Variants in GOLGA4 observed in about 807,000 individuals in gnomAD.
GOLGA4 encodes golgin subfamily A member 4.
GOLGA4 carries 169 observed loss-of-function variants against 265.9 expected under a neutral mutation model. The observed-to-expected ratio is 0.64, with a 90% CI of 0.56 to 0.72. The LOEUF (loss-of-function observed/expected upper bound fraction) is 0.72. GOLGA4 is among the 30% of genes least tolerant of loss of function. GOLGA4 has a pLI of 0.00. For synonymous variants in GOLGA4, 923 were observed against 855.8 expected (o/e 1.08, Z -1.37); for missense variants, 2,482 against 2,483.4 (o/e 1.00, Z 0.01).
chr3:37,362,398 G>T (rs1214726646), intron 23 of GOLGA4, among the ~76,000 whole-genome samples: 1 of 150,632 alleles, frequency 6.6e-6, no homozygotes, highest in Non-Finnish European at 1.5e-5. Context: ...CACTACGCCC[G>T]GCTAATTTTT....
intron 3 of GOLGA4, among the ~76,000 whole-genome samples, chr3:37,285,704 C>CA (rs1175126820): frequency 2.6e-5 from 4 of 152,252 alleles, no homozygotes; most frequent in Admixed American, 6.5e-5. Context: ...TAGTCTGTAA[C>CA]TATAGTTTGA....
chr3:37,324,677 T>C lies in GOLGA4; in HGVS notation c.2791T>C (p.Leu931=), dbSNP rs776790200. 1 of 1,612,396 alleles carries C rather than the reference T, an allele frequency of 6.2e-7. No homozygotes were observed. Among genetic ancestry groups the C allele is most frequent in the South Asian group, 1.1e-5 (1 of 90,796 alleles). The part of the protein sequence containing the change: ...KKEIEILTQK[L]SAKEDSIHIL... ...AGAAATTGAGATACTCACACAGAAATTGTCAGCCAAGGAGGACAGTATTCA... is the reference window on the plus strand; with the variant it reads ...AGAAATTGAGATACTCACACAGAAACTGTCAGCCAAGGAGGACAGTATTCA... The change falls in exon 14 of 24, where the codon TTG becomes CTG. Residue 931 remains leucine (L), a synonymous_variant. Transcript: ENST00000361924.
At chr3:37,344,186 C>G (rs2097048386) in intron 20 of GOLGA4, among the ~76,000 whole-genome samples, 1 of 152,238 alleles carries the variant, frequency 6.6e-6, no homozygotes, top group Admixed American at 6.5e-5. Context: ...ACTGGGACCT[C>G]TGCCTCCTGG....
Position 37,246,336 on chromosome 3 carries a change from A to G in GOLGA4, c.72+2714A>G, listed in dbSNP as rs138049003. Reference sequence around the variant, plus strand: ...AAAAAAAAAAAAATATGTTTTAACAACAAATACCTATTTTGGATTTTTAAA... The same window carrying G: ...AAAAAAAAAAAAATATGTTTTAACAGCAAATACCTATTTTGGATTTTTAAA... On this transcript the variant is annotated intron_variant, in intron 1 of 23. Coordinates refer to ENST00000361924, the MANE Select transcript of GOLGA4 (RefSeq NM_002078.5). Among the ~76,000 whole-genome samples the G allele has an allele frequency of 5.0e-3, 756 of 152,316 alleles. 2 individuals are homozygous for G. The highest frequency in any genetic ancestry group is 0.017 in the African/African-American group (717 of 41,578).
intron 10 of GOLGA4, among the ~76,000 whole-genome samples, chr3:37,310,792 A>T (rs999249127): frequency 2.0e-5 from 3 of 151,906 alleles, no homozygotes; most frequent in African/African-American, 7.3e-5. Flanking sequence ...TTGGAAGAAC[A>T]CAGTGTGTTC....
At chr3:37,358,407 C>T (rs904563907) in intron 22 of GOLGA4, among the ~76,000 whole-genome samples, 29 of 151,950 alleles carry the variant, frequency 1.9e-4, no homozygotes, top group African/African-American at 2.4e-5. Flanking sequence ...AACCTAGTCT[C>T]GAGTAGATTT....
rs964368989 is a variant in GOLGA4 at position 37,298,711 on chromosome 3, A to G, written c.815-122A>G. On this transcript the variant is annotated intron_variant, in intron 7 of 23. Coordinates refer to ENST00000361924, the MANE Select transcript of GOLGA4 (RefSeq NM_002078.5). The stretch of plus-strand genomic sequence containing the variant: ...ACCCAGGAACGAACAATGACAGCTT[A>G]AAGGTTAGAACCAAGATGGAGTCGG... The G allele has an allele frequency of 4.0e-5, 27 of 672,804 alleles. No homozygotes were observed. In the African/African-American group the frequency reaches 4.4e-4, roughly 11 times the overall value. 41.7% of individuals were successfully genotyped at this position (672,804 alleles called of 1,614,324 possible).
chr3:37,340,317 AT>A, intron 20 of GOLGA4, 118 bp downstream of exon 20: 1 of 489,122 alleles, frequency 2.0e-6, no homozygotes, highest in Non-Finnish European at 3.6e-6. Flanking sequence ...ATTTTTAATG[AT>A]TTTATTTTTT....
Position 37,299,035 on chromosome 3 carries a change from G to T in GOLGA4, c.1002+15G>T. 6.4e-7 allele frequency: 1 copy of T among 1,568,106 alleles called. No individual in the cohort carries two copies. Among genetic ancestry groups the T allele is most frequent in the Non-Finnish European group, 8.6e-7 (1 of 1,159,050 alleles). The stretch of plus-strand genomic sequence containing the variant: ...AAAAGATAAAGGTAAAAGAGCAGAT[G>T]AGTTTTGTTCTAATTTAATCTATAA... On this transcript the variant is annotated intron_variant, in intron 8 of 23. Coordinates refer to ENST00000361924, the MANE Select transcript of GOLGA4 (RefSeq NM_002078.5).
chr3:37,269,873 A>G (rs2150709971), intron 2 of GOLGA4, among the ~76,000 whole-genome samples: 1 of 146,968 alleles, frequency 6.8e-6, no homozygotes, highest in Non-Finnish European at 1.5e-5. Context: ...ATTTCAAACA[A>G]TTGTAGGGTA....
At chr3:37,344,815 T>G (rs2097050933) in intron 20 of GOLGA4, among the ~76,000 whole-genome samples, 1 of 152,226 alleles carries the variant, frequency 6.6e-6, no homozygotes, top group Non-Finnish European at 1.5e-5. Context: ...TGATTAGGCT[T>G]GCATTTAATT....
intron 16 of GOLGA4, among the ~76,000 whole-genome samples, chr3:37,331,452 T>G (rs1262796364): frequency 6.6e-6 from 1 of 152,176 alleles, no homozygotes; most frequent in African/African-American, 2.4e-5. Flanking sequence ...AAAATGCAAA[T>G]ACTACTAAAA....
intron 12 of GOLGA4, among the ~76,000 whole-genome samples, chr3:37,320,923 A>G (rs999071029): frequency 6.6e-5 from 10 of 152,206 alleles, no homozygotes; most frequent in Non-Finnish European, 1.3e-4. Flanking sequence ...AATTAATGCT[A>G]TGGAAACTAG....
chr3:37,299,435 C>A (rs2096887205), intron 9 of GOLGA4, 64 bp downstream of exon 9: 1 of 897,886 alleles, frequency 1.1e-6, no homozygotes, highest in Non-Finnish European at 1.8e-6. Context: ...CTTTTGGAAA[C>A]AGTTGGAAAC....
intron 11 of GOLGA4, among the ~76,000 whole-genome samples, chr3:37,318,007 C>T (rs1241324327): frequency 1.3e-5 from 2 of 150,394 alleles, no homozygotes; most frequent in Non-Finnish European, 2.9e-5. Context: ...ATGTTCGGTC[C>T]TGAGATCAGT....
At chr3:37,243,823 C>T (rs1245847270) in intron 1 of GOLGA4, 23 of 585,740 alleles carry the variant, frequency 3.9e-5, no homozygotes, top group Non-Finnish European at 5.8e-5. Flanking sequence ...CATCGCAAAA[C>T]TTCATCCAGT....
chr3:37,317,775 A>G (rs140009682), intron 11 of GOLGA4, among the ~76,000 whole-genome samples: 11 of 152,082 alleles, frequency 7.2e-5, no homozygotes, highest in East Asian at 5.8e-4. Flanking sequence ...TCACTTTTCT[A>G]TTGGGCTGTT....
At chr3:37,248,207 T>G (rs1179564738) in intron 1 of GOLGA4, among the ~76,000 whole-genome samples, 1 of 152,204 alleles carries the variant, frequency 6.6e-6, no homozygotes, top group Admixed American at 6.5e-5. Flanking sequence ...ACTCCTGGCC[T>G]CAAGTGATCG....
chr3:37,345,339 T>C (rs987327441), intron 20 of GOLGA4, among the ~76,000 whole-genome samples: 3 of 152,250 alleles, frequency 2.0e-5, no homozygotes, highest in Admixed American at 2.0e-4. Context: ...TTATGCATTA[T>C]TTGAGGAAAC....
Sources: allele counts gnomAD v4.1 joint callset (sites outside exome capture counted in the v4.1 genomes callset), GRCh38; gene constraint gnomAD v4.1.1; transcripts MANE v1.5; gene names NCBI Gene and HGNC (gene_info 2026-07-23, HGNC 2026-07-21).